ARHGEF28: variants seen among roughly 807,000 people sequenced by gnomAD.
ARHGEF28 encodes 190 kDa guanine nucleotide exchange factor.
ARHGEF28 carries 152 observed loss-of-function variants against 206.6 expected under a neutral mutation model. That is an observed-to-expected ratio of 0.74 (90% CI 0.64 to 0.84). The LOEUF (loss-of-function observed/expected upper bound fraction) is 0.84, where lower values mean the gene tolerates loss of function less well. Ranked by LOEUF, ARHGEF28 falls within the 40% of genes least tolerant of loss-of-function variation. The pLI is 0.00. For synonymous variants in ARHGEF28, 763 were observed against 776.4 expected (o/e 0.98, Z 0.29); for missense variants, 2,028 against 2,073.2 (o/e 0.98, Z 0.42).
chr5:73,890,949 A>G (rs1448487067), intron 26 of ARHGEF28, among the ~76,000 whole-genome samples: 1 of 152,260 alleles, frequency 6.6e-6, no homozygotes, highest in Non-Finnish European at 1.5e-5. Flanking sequence ...CCCAGTGTTT[A>G]GAAAAAGACA....
At chr5:73,937,043 A>G (rs1371573302) in intron 35 of ARHGEF28, among the ~76,000 whole-genome samples, 1 of 152,202 alleles carries the variant, frequency 6.6e-6, no homozygotes, top group African/African-American at 2.4e-5. Context: ...GTAAACAGAG[A>G]AAAGTGTGAA....
chr5:73,629,226 G>A (rs1488219421), intron 1 of ARHGEF28, among the ~76,000 whole-genome samples: 1 of 152,016 alleles, frequency 6.6e-6, no homozygotes, highest in Admixed American at 6.6e-5. Context: ...GGGTGGGGGT[G>A]GTGGCTCATG....
intron 27 of ARHGEF28, 52 bp downstream of exon 27, chr5:73,892,282 A>G: frequency 6.6e-7 from 1 of 1,513,352 alleles, no homozygotes; most frequent in African/African-American, 1.4e-5. Flanking sequence ...TCAACTGGGG[A>G]AAATATTCTA....
chr5:73,655,933 T>A (rs1745169632), intron 1 of ARHGEF28, among the ~76,000 whole-genome samples: 1 of 152,196 alleles, frequency 6.6e-6, no homozygotes, highest in Non-Finnish European at 1.5e-5. Flanking sequence ...TTTTCTTATG[T>A]TGTCACTAAG....
intron 1 of ARHGEF28, among the ~76,000 whole-genome samples, chr5:73,670,469 T>A (rs1746236305): frequency 6.6e-6 from 1 of 152,140 alleles, no homozygotes. Context: ...CTATGAACAA[T>A]CATGTACAGG....
chr5:73,641,702 A>G (rs1171754886), intron 1 of ARHGEF28, among the ~76,000 whole-genome samples: 3 of 152,346 alleles, frequency 2.0e-5, no homozygotes, highest in Admixed American at 2.0e-4. Flanking sequence ...GCGCAGTTGT[A>G]TAAATGGAGC....
intron 2 of ARHGEF28, among the ~76,000 whole-genome samples, chr5:73,689,040 A>G (rs999642784): frequency 1.3e-5 from 2 of 152,226 alleles, no homozygotes; most frequent in Admixed American, 1.3e-4. Context: ...TTTAGATTCT[A>G]TCACTTTTAG....
intron 2 of ARHGEF28, among the ~76,000 whole-genome samples, chr5:73,741,067 G>A (rs1751349136): frequency 6.6e-6 from 1 of 152,022 alleles, no homozygotes; most frequent in Non-Finnish European, 1.5e-5. Flanking sequence ...TTCCCACTAT[G>A]ATCTGCTGCT....
intron 1 of ARHGEF28, among the ~76,000 whole-genome samples, chr5:73,682,932 T>TTCCTGTC (rs935279127): frequency 7.9e-5 from 12 of 152,262 alleles, no homozygotes; most frequent in African/African-American, 2.6e-4. Flanking sequence ...CAAGTGAGTC[T>TTCCTGTC]TCCTGTCTGC....
At chr5:73,867,677 A>G (rs1264612344) in intron 18 of ARHGEF28, among the ~76,000 whole-genome samples, 199 bp from the exon 19 acceptor site, 1 of 152,212 alleles carries the variant, frequency 6.6e-6, no homozygotes, top group African/African-American at 2.4e-5. Flanking sequence ...GGCCTGCAGC[A>G]TGGGTGTCAG....
Position 73,885,144 on chromosome 5 carries a change from G to T in ARHGEF28, c.3056-706G>T, listed in dbSNP as rs1761186944. Among the ~76,000 whole-genome samples, 6 of 152,230 alleles carry T rather than the reference G, an allele frequency of 3.9e-5. No homozygotes were observed. The South Asian group carries it at 1.2e-3, about 32-fold the overall frequency. Reference sequence around the variant, plus strand: ...GAGGAAGGGATCAAGGAATATAAATGAATCTGAGGCTCATTCACATAACCC... The same window carrying T: ...GAGGAAGGGATCAAGGAATATAAATTAATCTGAGGCTCATTCACATAACCC... On this transcript the variant is annotated intron_variant, in intron 24 of 35. Coordinates refer to ENST00000513042, the MANE Select transcript of ARHGEF28 (RefSeq NM_001177693.2).
chr5:73,779,940 C>T (rs4077846), intron 6 of ARHGEF28, among the ~76,000 whole-genome samples: 1,940 of 152,260 alleles, frequency 0.013, 53 homozygotes, highest in African/African-American at 0.044. Flanking sequence ...TAATGACACG[C>T]CCAAGGGGAT....
At chr5:73,706,325 C>T (rs1386908938) in intron 2 of ARHGEF28, among the ~76,000 whole-genome samples, 1 of 152,080 alleles carries the variant, frequency 6.6e-6, no homozygotes, top group Non-Finnish European at 1.5e-5. Flanking sequence ...GCCTGGGCGA[C>T]AGAGCAAGAC....
chr5:73,699,642 A>G (rs1748473477), intron 2 of ARHGEF28, among the ~76,000 whole-genome samples: 1 of 152,092 alleles, frequency 6.6e-6, no homozygotes, highest in Admixed American at 6.6e-5. Flanking sequence ...GATGGGAGGG[A>G]ATTTGAAAAT....
At chr5:73,851,403 C>T (rs1419983878) in intron 13 of ARHGEF28, among the ~76,000 whole-genome samples, 4 of 143,962 alleles carry the variant, frequency 2.8e-5, no homozygotes, top group African/African-American at 5.3e-5. Context: ...ATTTCTCATG[C>T]GTCTTTTTTT....
At chr5:73,744,250 T>G (rs67365319) in intron 2 of ARHGEF28, among the ~76,000 whole-genome samples, 34,624 of 152,106 alleles carry the variant, frequency 0.23, 4,558 homozygotes, top group Non-Finnish European at 0.3. Context: ...CTAAACACAG[T>G]AATTTGAATA....
intron 10 of ARHGEF28, among the ~76,000 whole-genome samples, chr5:73,834,571 T>TGC (rs1757499047): frequency 7.5e-6 from 1 of 133,986 alleles, no homozygotes; most frequent in Non-Finnish European, 1.7e-5. Context: ...TGTGTGTGTG[T>TGC]GTGCATGTGT....
chr5:73,687,671 A>T (rs1177591927), intron 2 of ARHGEF28, among the ~76,000 whole-genome samples: 18 of 151,906 alleles, frequency 1.2e-4, no homozygotes, highest in Admixed American at 1.2e-3. Context: ...GTAAATATTC[A>T]CTTCTAGTTT....
chr5:73,877,011 T>C (rs2112653664), intron 22 of ARHGEF28, among the ~76,000 whole-genome samples: 1 of 143,050 alleles, frequency 7.0e-6, no homozygotes, highest in East Asian at 2.0e-4. Context: ...AGTTCCTCCT[T>C]GTACCTCTGG....
Sources: gnomAD v4.1 joint callset for allele counts (sites outside exome capture counted in the v4.1 genomes callset) on GRCh38, gnomAD v4.1.1 for gene constraint, MANE v1.5 for transcripts, NCBI Gene and HGNC (gene_info 2026-07-23, HGNC 2026-07-21) for gene names.